The following KSR2 variants were observed in gnomAD, a reference collection of about 807,000 sequenced individuals.
The protein encoded by KSR2 is kinase suppressor of ras 2.
Under a neutral mutation model 107.8 loss-of-function variants are expected in KSR2, and 25 were observed. The observed-to-expected ratio is 0.23, with a 90% CI of 0.17 to 0.32. The LOEUF (loss-of-function observed/expected upper bound fraction) is 0.32. KSR2 is among the 10% of genes least tolerant of loss of function. The pLI, the probability that KSR2 is intolerant of heterozygous loss-of-function variation, is 1.00. For missense variants in KSR2, 887 were observed against 1,268.9 expected (o/e 0.70, Z 4.57); for synonymous variants, 480 against 507.0 (o/e 0.95, Z 0.71).
chr12:117,582,440 G>T, intron 5 of KSR2, 81 bp from the exon 6 acceptor site: 1 of 1,036,138 alleles, frequency 9.7e-7, no homozygotes, highest in East Asian at 2.4e-5. Context: ...AGGAAAAGGG[G>T]GGCTCGTCAC....
In KSR2 at chr12:117,467,345, G is replaced by A. The variant is rs1489708830; in HGVS notation, c.2847-140C>T. 6 of 513,700 alleles carry A rather than the reference G, an allele frequency of 1.2e-5. No individual in the cohort carries two copies. In the South Asian group the frequency reaches 1.6e-4, roughly 14 times the overall value. The allele number at this position is 513,700 out of a possible 1,614,324, so 31.8% of individuals were successfully genotyped here. A position where few individuals can be genotyped will look rare whatever the true frequency, so the allele number is the denominator to read the frequency against. ...GTCTTCTGCAAGAAGACATGGAAGA[G>A]ATTTCTGTTAACTGAGTTCTTACTA... is the stretch of plus-strand genomic sequence containing the variant. On this transcript the variant is annotated intron_variant, in intron 19 of 19. Coordinates refer to ENST00000339824, the MANE Select transcript of KSR2 (RefSeq NM_173598.6).
chr12:117,635,852 C>T (rs948605174), intron 5 of KSR2, among the ~76,000 whole-genome samples: 5 of 150,240 alleles, frequency 3.3e-5, no homozygotes, highest in African/African-American at 1.2e-4. Flanking sequence ...AGTGCAGTGG[C>T]GCGATCTCAG....
At chr12:117,839,758 A>G (rs1023660135) in intron 3 of KSR2, among the ~76,000 whole-genome samples, 1 of 152,226 alleles carries the variant, frequency 6.6e-6, no homozygotes. Flanking sequence ...TGCAGCCCAG[A>G]AAGTTTTTCC....
intron 3 of KSR2, among the ~76,000 whole-genome samples, chr12:117,781,108 A>G (rs1372184139): frequency 6.6e-6 from 1 of 152,182 alleles, no homozygotes; most frequent in Non-Finnish European, 1.5e-5. Flanking sequence ...AAAGTCTCAC[A>G]AGATCTGATG....
At position 117,530,976 on chromosome 12, in the gene KSR2, G is replaced by A; in HGVS notation, c.1767C>T (p.Pro589=). ...AGGTCACCGGATGCAGGATGACCTG[G>A]GGCGCCCGGGTCGGCGTCTCCGGCA... ...VPVPETPTRA[P]QVILHPVTSN... The change falls in exon 12 of 20, where the codon CCC becomes CCT. Residue 589 remains proline, a synonymous_variant. Coordinates refer to ENST00000339824, the MANE Select transcript of KSR2 (RefSeq NM_173598.6). 2 of 1,613,626 alleles carry A rather than the reference G, an allele frequency of 1.2e-6. No homozygotes were observed. The highest frequency in any genetic ancestry group is 1.7e-6 in the Non-Finnish European group (2 of 1,179,734).
At chr12:117,763,528 T>C (rs1200217049) in intron 3 of KSR2, among the ~76,000 whole-genome samples, 1 of 152,138 alleles carries the variant, frequency 6.6e-6, no homozygotes, top group Admixed American at 6.5e-5. Flanking sequence ...ACCATCTAAG[T>C]TAGGGCAGTC....
chr12:117,471,090 T>C (rs551781964), intron 18 of KSR2, 101 bp downstream of exon 18: 753 of 1,466,888 alleles, frequency 5.1e-4, no homozygotes, highest in Non-Finnish European at 6.6e-4. Flanking sequence ...GGTCACCCTA[T>C]GGGAAAGCAT....
At chr12:117,514,544 C>A (rs866577454) in intron 14 of KSR2, among the ~76,000 whole-genome samples, 1 of 130,088 alleles carries the variant, frequency 7.7e-6, no homozygotes, top group Admixed American at 7.7e-5. Context: ...CTCTCTCTCT[C>A]TTTTTTTTTT....
intron 1 of KSR2, among the ~76,000 whole-genome samples, chr12:117,917,820 C>T (rs1350435889): frequency 2.6e-5 from 4 of 152,184 alleles, no homozygotes; most frequent in Non-Finnish European, 2.9e-5. Flanking sequence ...TGAAAATAGG[C>T]AACTCACAGG....
chr12:117,842,022 CCAACACAGGGGTTCT>C lies in KSR2; in HGVS notation c.472+13391_472+13405del. On this transcript the variant is annotated intron_variant, in intron 3 of 19. Coordinates refer to ENST00000339824, the MANE Select transcript of KSR2 (RefSeq NM_173598.6). This position sits in a 1 kb window ranked among gnomAD's most constrained non-coding sequence, Gnocchi z 4.2. The stretch of plus-strand genomic sequence containing the variant: ...CTCTGAGCCAGATGCAGGGAGAATT[CCAACACAGGGGTTCT>C]CAAAGCGTGTTCCCCAAACCAGCAG... 6.6e-6 allele frequency among the ~76,000 whole-genome samples: 1 copy of C among 151,464 alleles called. No individual in the cohort carries two copies. Among genetic ancestry groups the C allele is most frequent in the South Asian group, 2.1e-4 (1 of 4,808 alleles).
intron 4 of KSR2, among the ~76,000 whole-genome samples, chr12:117,670,721 C>T (rs1207403418): frequency 6.6e-6 from 1 of 152,120 alleles, no homozygotes. Context: ...GCACTGATCC[C>T]TTTTGCTCTG....
intron 18 of KSR2, among the ~76,000 whole-genome samples, chr12:117,470,492 G>T (rs552930329): frequency 1.1e-4 from 16 of 152,240 alleles, no homozygotes; most frequent in African/African-American, 3.9e-4. Flanking sequence ...AGAAGGTCTA[G>T]AATACACTGA....
At chr12:117,953,139 ATAC>A (rs1328952514) in intron 1 of KSR2, among the ~76,000 whole-genome samples, 2 of 152,202 alleles carry the variant, frequency 1.3e-5, no homozygotes, top group African/African-American at 4.8e-5. Flanking sequence ...GCACAATGAG[ATAC>A]TACTTCACAC....
In KSR2 at chr12:117,487,580, T is replaced by C. The variant is rs547612616; in HGVS notation, c.2220-1889A>G. On this transcript the variant is annotated intron_variant, in intron 14 of 19. Coordinates refer to ENST00000339824, the MANE Select transcript of KSR2 (RefSeq NM_173598.6). ...GTTGACATTTCAATATTTGAGACTG[T>C]GGGCAGAGTCCCTCCCCTGGGTACT... Among the ~76,000 whole-genome samples the C allele has an allele frequency of 4.6e-4, 70 of 152,258 alleles. 1 individual carries two copies. Among genetic ancestry groups the C allele is most frequent in the African/African-American group, 1.6e-3 (66 of 41,550 alleles).
chr12:117,522,569 C>A (rs1874831707), intron 14 of KSR2, among the ~76,000 whole-genome samples: 2 of 152,160 alleles, frequency 1.3e-5, no homozygotes, highest in Non-Finnish European at 2.9e-5. Context: ...CACAGATTGT[C>A]CCCACCCTGC....
intron 2 of KSR2, among the ~76,000 whole-genome samples, chr12:117,857,013 G>A (rs185530617): frequency 6.6e-6 from 1 of 152,242 alleles, no homozygotes; most frequent in African/African-American, 2.4e-5. Context: ...CATTGCTGGT[G>A]AGCCCCTTTA....
chr12:117,705,379 A>G (rs909005068), intron 4 of KSR2, among the ~76,000 whole-genome samples: 1 of 152,170 alleles, frequency 6.6e-6, no homozygotes, highest in Non-Finnish European at 1.5e-5. Flanking sequence ...TTATTTACTG[A>G]GGGCCTATTA....
At chr12:117,791,977 T>C (rs568472237) in intron 3 of KSR2, among the ~76,000 whole-genome samples, 5 of 152,232 alleles carry the variant, frequency 3.3e-5, no homozygotes, top group Admixed American at 3.3e-4. Context: ...CATAAATACA[T>C]GGAGCTTCTA....
At chr12:117,714,139 TC>T (rs1886891882) in intron 4 of KSR2, among the ~76,000 whole-genome samples, 1 of 152,164 alleles carries the variant, frequency 6.6e-6, no homozygotes, top group South Asian at 2.1e-4. Flanking sequence ...CTGTCACTGT[TC>T]CAGGAGGATG....
Sources: gnomAD v4.1 joint callset for allele counts (sites outside exome capture counted in the v4.1 genomes callset) on GRCh38, gnomAD v4.1.1 for gene constraint, Gnocchi (gnomAD v3.1) non-coding constraint, MANE v1.5 for transcripts, NCBI Gene and HGNC (gene_info 2026-07-23, HGNC 2026-07-21) for gene names.